Variants in TBL1X observed in about 807,000 individuals in gnomAD.
The protein encoded by TBL1X is F-box-like/WD repeat-containing protein TBL1X.
A neutral mutation model predicts 50.7 loss-of-function variants in TBL1X; 10 were observed. The ratio of observed to expected loss-of-function variants is 0.20; its 90% confidence interval spans 0.12 to 0.33. The LOEUF (loss-of-function observed/expected upper bound fraction) is 0.33. TBL1X is among the 10% of genes least tolerant of loss of function. The pLI is 1.00. For missense variants in TBL1X, 340 were observed against 504.4 expected (o/e 0.67, Z 3.12); for synonymous variants, 190 against 214.7 (o/e 0.88, Z 1.01).
chrX:9,664,486 A>G (rs867217181), intron 5 of TBL1X, among the ~76,000 whole-genome samples: 1 of 111,191 alleles, frequency 9.0e-6, no homozygotes, highest in African/African-American at 3.3e-5. Context: ...AGCTGGAAGC[A>G]AACAGCATTT....
intron 1 of TBL1X, among the ~76,000 whole-genome samples, chrX:9,494,459 C>T (rs747762985): frequency 1.8e-5 from 2 of 111,617 alleles, no homozygotes; most frequent in Admixed American, 1.9e-4. Context: ...TCTTAGTTCT[C>T]TTTGGAAGAT....
At chrX:9,697,474 C>G in intron 12 of TBL1X, 45 bp downstream of exon 12, 3 of 1,202,064 alleles carry the variant, frequency 2.5e-6, no homozygotes, top group Non-Finnish European at 3.4e-6. Context: ...TTTTGTAATT[C>G]AAAAATAATA....
At chrX:9,688,578 A>G (rs1297342883) in intron 7 of TBL1X, among the ~76,000 whole-genome samples, 1 of 112,603 alleles carries the variant, frequency 8.9e-6, no homozygotes, top group African/African-American at 3.2e-5. Flanking sequence ...TCATTCATGG[A>G]CACCTTTAGT....
At chrX:9,555,831 T>C (rs112207414) in intron 2 of TBL1X, among the ~76,000 whole-genome samples, 73 of 111,680 alleles carry the variant, frequency 6.5e-4, no homozygotes, top group African/African-American at 2.2e-3. Context: ...TCAGGCCCCT[T>C]TTTCATATCT....
At chrX:9,585,266 A>C (rs540394728) in intron 2 of TBL1X, among the ~76,000 whole-genome samples, 2 of 109,878 alleles carry the variant, frequency 1.8e-5, no homozygotes, top group South Asian at 8.0e-4. Flanking sequence ...CCGCACCTGG[A>C]TGCAACTTTT....
chrX:9,691,453 AAGAAAAG>A, intron 7 of TBL1X, 119 bp from the exon 8 acceptor site: 4 of 712,689 alleles, frequency 5.6e-6, no homozygotes, highest in Non-Finnish European at 7.7e-6. Flanking sequence ...AAAAAAAAAA[AAGAAAAG>A]GAATCATCAG....
chrX:9,623,660 C>G (rs746899214), intron 2 of TBL1X, among the ~76,000 whole-genome samples: 1 of 111,659 alleles, frequency 9.0e-6, no homozygotes, highest in South Asian at 3.7e-4. Flanking sequence ...GCACTCCAGC[C>G]TAGGCAACAG....
intron 5 of TBL1X, among the ~76,000 whole-genome samples, chrX:9,683,770 C>G (rs770296760): frequency 9.0e-6 from 1 of 111,252 alleles, no homozygotes; most frequent in Non-Finnish European, 1.9e-5. Flanking sequence ...CTGCTTTGTT[C>G]TTAATAACAC....
intron 2 of TBL1X, among the ~76,000 whole-genome samples, chrX:9,621,282 A>G (rs1230017267): frequency 1.8e-5 from 2 of 111,848 alleles, no homozygotes; most frequent in East Asian, 2.8e-4. Context: ...GGGGCACTCA[A>G]AGGTCGGGAA....
chrX:9,654,457 A>T, intron 5 of TBL1X, 135 bp downstream of exon 5: 1 of 698,174 alleles, frequency 1.4e-6, no homozygotes, highest in Non-Finnish European at 2.2e-6. Context: ...GCTGATGGGG[A>T]GAAGAGAAGG....
intron 5 of TBL1X, among the ~76,000 whole-genome samples, chrX:9,675,610 G>A (rs1345893464): frequency 4.5e-5 from 5 of 111,615 alleles, no homozygotes; most frequent in East Asian, 5.6e-4. Flanking sequence ...CAGGCCAGGC[G>A]CGGTAGCTCA....
chrX:9,677,044 C>T (rs775352192), intron 5 of TBL1X, among the ~76,000 whole-genome samples: 3 of 111,189 alleles, frequency 2.7e-5, no homozygotes, highest in African/African-American at 6.6e-5. Context: ...TGAGAGTGTG[C>T]GTGTGTGTCT....
chrX:9,688,453 C>T (rs778945363), intron 7 of TBL1X, among the ~76,000 whole-genome samples, 178 bp downstream of exon 7: 1 of 112,405 alleles, frequency 8.9e-6, no homozygotes, highest in East Asian at 2.8e-4. Context: ...CCATCACAAC[C>T]CTTGGACCTG....
intron 3 of TBL1X, among the ~76,000 whole-genome samples, chrX:9,653,234 T>C (rs2082846360): frequency 8.8e-6 from 1 of 112,996 alleles, no homozygotes; most frequent in African/African-American, 3.2e-5. Flanking sequence ...GCTGCCCAGC[T>C]GTTTGGAGTG....
intron 1 of TBL1X, among the ~76,000 whole-genome samples, chrX:9,484,916 TAAAAAAA>T (rs760004328): frequency 2.4e-5 from 1 of 41,320 alleles, no homozygotes; most frequent in East Asian, 8.0e-4. Context: ...ACCCTGGCAC[TAAAAAAA>T]AAAAAAAAAA....
At position 9,571,297 on chromosome X, in the gene TBL1X, A is replaced by G. The variant is rs73631496; in HGVS notation, c.-130-68976A>G. ...GCACACTTCGACAATATGACCATCTATCATAGGCATCAATTTAGTTTAACT... is the reference window on the plus strand; with the variant it reads ...GCACACTTCGACAATATGACCATCTGTCATAGGCATCAATTTAGTTTAACT... On this transcript the variant is annotated intron_variant, in intron 2 of 17. Coordinates refer to ENST00000645353, the MANE Select transcript of TBL1X (RefSeq NM_005647.4). 8.7e-3 allele frequency among the ~76,000 whole-genome samples: 978 copies of G among 112,181 alleles called. 5 individuals carry two copies. Among genetic ancestry groups the G allele is most frequent in the Middle Eastern group, 0.014 (3 of 218 alleles).
At chrX:9,499,065 G>A (rs764616832) in intron 1 of TBL1X, among the ~76,000 whole-genome samples, 3 of 111,832 alleles carry the variant, frequency 2.7e-5, no homozygotes, top group South Asian at 3.7e-4. Flanking sequence ...CTGTGGAGGC[G>A]CTCATGGGTG....
At chrX:9,638,581 A>C (rs1326541482) in intron 2 of TBL1X, among the ~76,000 whole-genome samples, 1 of 112,399 alleles carries the variant, frequency 8.9e-6, no homozygotes, top group Non-Finnish European at 1.9e-5. Flanking sequence ...ATAAGAGATA[A>C]TCTCAAATTT....
intron 3 of TBL1X, among the ~76,000 whole-genome samples, chrX:9,643,296 C>A (rs1265141707): frequency 9.0e-6 from 1 of 111,387 alleles, no homozygotes; most frequent in African/African-American, 3.3e-5. Flanking sequence ...ACATCCTCCC[C>A]AACCCCTAAA....
Sources: gnomAD v4.1 joint callset for allele counts (sites outside exome capture counted in the v4.1 genomes callset) on GRCh38, gnomAD v4.1.1 for gene constraint, MANE v1.5 for transcripts, NCBI Gene and HGNC (gene_info 2026-07-23, HGNC 2026-07-21) for gene names.